Variants in SNX4 observed in about 807,000 individuals in gnomAD.
SNX4 encodes the protein sorting nexin 4, also known as sorting nexin-4.
In SNX4, 49 loss-of-function variants were observed where a neutral mutation model predicts 70.8. The observed-to-expected ratio is 0.69, with a 90% CI of 0.55 to 0.88. The LOEUF is 0.88. Ranked by LOEUF, SNX4 falls within the 40% of genes least tolerant of loss-of-function variation. SNX4 has a pLI of 0.00. For missense variants in SNX4, 528 were observed against 544.8 expected (o/e 0.97, Z 0.31); for synonymous variants, 206 against 183.8 (o/e 1.12, Z -0.98).
chr3:125,471,318 T>TG (rs970635024), intron 8 of SNX4, among the ~76,000 whole-genome samples: 1 of 83,916 alleles, frequency 1.2e-5, no homozygotes, highest in Non-Finnish European at 2.1e-5. Context: ...CACTCCAGTG[T>TG]GGGCAACAAG....
intron 10 of SNX4, among the ~76,000 whole-genome samples, chr3:125,458,358 G>C (rs1933779272): frequency 6.6e-6 from 1 of 151,900 alleles, no homozygotes; most frequent in Non-Finnish European, 1.5e-5. Context: ...TGTAGAGATG[G>C]GGTCTCGCCC....
At chr3:125,460,142 C>T (rs1189726640) in intron 10 of SNX4, among the ~76,000 whole-genome samples, 4 of 147,900 alleles carry the variant, frequency 2.7e-5, no homozygotes, top group Middle Eastern at 3.6e-3. Flanking sequence ...TGCAGTGAGC[C>T]GAGATCACGC....
intron 1 of SNX4, 69 bp downstream of exon 1, chr3:125,519,959 GCCCA>G: frequency 1.0e-6 from 1 of 1,004,502 alleles, no homozygotes; most frequent in Non-Finnish European, 1.3e-6. Flanking sequence ...GCCCAGCCCA[GCCCA>G]GCCCAGCCCA....
At chr3:125,458,814 C>CAAAAAAAAAAAAAAAAAAAA (rs71148180) in intron 10 of SNX4, among the ~76,000 whole-genome samples, 6 of 64,534 alleles carry the variant, frequency 9.3e-5, no homozygotes, top group Non-Finnish European at 1.3e-4. Flanking sequence ...GACTCCGTCT[C>CAAAAAAAAAAAAAAAAAAAA]AAAAAAAAAA....
intron 1 of SNX4, among the ~76,000 whole-genome samples, chr3:125,506,031 T>C (rs1935035245): frequency 6.6e-6 from 1 of 152,174 alleles, no homozygotes; most frequent in Non-Finnish European, 1.5e-5. Context: ...AGGAAAGATC[T>C]ATAAAGACTT....
chr3:125,520,055 C>G lies in SNX4; in HGVS notation c.118G>C (p.Glu40Gln). The G allele has an allele frequency of 6.4e-7, 1 of 1,557,888 alleles. No homozygotes were observed. ...AVGKEAEGAGEESSGVDTMTH... is the reference protein window; with the variant it reads ...AVGKEAEGAGQESSGVDTMTH... ...ACCGTGTCGACCCCAGAGCTCTCTT[C>G]TCCGGCCCCCTCCGCTTCCTTGCCG... is the stretch of plus-strand genomic sequence containing the variant. The change falls in exon 1 of 14, where the codon GAA becomes CAA. Residue 40 changes from glutamate (E) to glutamine (Q), a missense_variant. Physicochemically the swap from Glu to Gln is conservative, Grantham distance 29. This residue lies in a region of SNX4 where 341 missense variants were observed against 312.2 expected (regional missense o/e 1.09). Coordinates refer to ENST00000251775, the MANE Select transcript of SNX4 (RefSeq NM_003794.4).
chr3:125,472,022 T>C (rs1934186194), intron 8 of SNX4, among the ~76,000 whole-genome samples: 1 of 152,224 alleles, frequency 6.6e-6, no homozygotes, highest in Non-Finnish European at 1.5e-5. Context: ...CTTCCCTGTT[T>C]CTTCTCTGTA....
At chr3:125,483,816 T>G (rs562474619) in intron 6 of SNX4, among the ~76,000 whole-genome samples, 2 of 152,172 alleles carry the variant, frequency 1.3e-5, no homozygotes, top group East Asian at 3.8e-4. Context: ...TAGATAACAA[T>G]GTATGTTTAA....
intron 12 of SNX4, among the ~76,000 whole-genome samples, chr3:125,453,443 A>G (rs1052951515): frequency 6.6e-6 from 1 of 152,204 alleles, no homozygotes; most frequent in African/African-American, 2.4e-5. Context: ...TTTCCCCCAC[A>G]TTGAAACAAC....
At position 125,457,370 on chromosome 3, in the gene SNX4, A is replaced by G; in HGVS notation, c.945-5T>C. ...TCATGTTTCCTGCACACAGCCCTAC[A>G]GATGAAAAAATGTGCTGCCATTTAA... is the stretch of plus-strand genomic sequence containing the variant. On this transcript the variant is annotated splice_region_variant and splice_polypyrimidine_tract_variant and intron_variant, in intron 10 of 13. Coordinates refer to ENST00000251775, the MANE Select transcript of SNX4 (RefSeq NM_003794.4). 4.4e-6 allele frequency: 7 copies of G among 1,608,942 alleles called. No individual in the cohort carries two copies. Among genetic ancestry groups the G allele is most frequent in the Non-Finnish European group, 6.0e-6 (7 of 1,175,476 alleles).
intron 1 of SNX4, among the ~76,000 whole-genome samples, chr3:125,510,038 AACAGT>A (rs1487293411): frequency 6.6e-6 from 1 of 152,180 alleles, no homozygotes; most frequent in Admixed American, 6.5e-5. Context: ...TGCTGTAGAA[AACAGT>A]ACAGTGGTGC....
At chr3:125,459,613 A>T (rs1463178937) in intron 10 of SNX4, among the ~76,000 whole-genome samples, 1 of 151,986 alleles carries the variant, frequency 6.6e-6, no homozygotes. Flanking sequence ...ACTTTTTTGT[A>T]ATTTTAGTAG....
intron 8 of SNX4, among the ~76,000 whole-genome samples, chr3:125,474,388 G>A (rs1389163860): frequency 1.3e-5 from 2 of 152,120 alleles, no homozygotes; most frequent in Non-Finnish European, 1.5e-5. Context: ...TGTGATCATA[G>A]CTCACTATAA....
At chr3:125,462,221 T>C (rs1933900701) in intron 9 of SNX4, among the ~76,000 whole-genome samples, 1 of 152,210 alleles carries the variant, frequency 6.6e-6, no homozygotes. Context: ...GTTGGTTTTT[T>C]TAAAAGTGAT....
In SNX4 at chr3:125,457,305, T is replaced by C. The variant is rs772800406; in HGVS notation, c.1005A>G (p.Leu335=). The part of the protein sequence containing the change: ...QYDLEMAAQD[L]ASKKQQCEEL... ...CCTCACACTGCTGCTTCTTGGATGC[T>C]AAGTCCTGAGCAGCCATCTCCAAGT... The change falls in exon 11 of 14, where the codon TTA becomes TTG. Residue 335 remains leucine, a synonymous_variant. Transcript: ENST00000251775. 6.2e-7 allele frequency: 1 copy of C among 1,614,048 alleles called. No homozygotes were observed. The highest frequency in any genetic ancestry group is 1.3e-5 in the African/African-American group (1 of 75,048).
At chr3:125,495,785 T>C (rs78741279) in intron 5 of SNX4, among the ~76,000 whole-genome samples, 3,155 of 152,292 alleles carry the variant, frequency 0.021, 106 homozygotes, top group African/African-American at 0.072. Context: ...TTTTTTGTTA[T>C]ATAAAGAGAA....
intron 10 of SNX4, among the ~76,000 whole-genome samples, chr3:125,458,086 T>C (rs1006893633): frequency 6.6e-5 from 10 of 152,096 alleles, no homozygotes. Context: ...ACTAATGCTG[T>C]AATCTCACAT....
chr3:125,496,488 A>G (rs1030329921), intron 5 of SNX4, among the ~76,000 whole-genome samples: 2 of 152,186 alleles, frequency 1.3e-5, no homozygotes, highest in Non-Finnish European at 2.9e-5. Flanking sequence ...TTGTCTAGAC[A>G]TATTATATTG....
chr3:125,452,460 T>C (rs1933599836), intron 12 of SNX4, among the ~76,000 whole-genome samples: 1 of 152,096 alleles, frequency 6.6e-6, no homozygotes, highest in South Asian at 2.1e-4. Flanking sequence ...TGGTAGCCGG[T>C]AGTCCCAGTG....
Sources: gnomAD v4.1 joint callset for allele counts (sites outside exome capture counted in the v4.1 genomes callset) on GRCh38, gnomAD v4.1.1 for gene constraint, gnomAD v4.1.1 regional missense constraint, MANE v1.5 for transcripts, NCBI Gene and HGNC (gene_info 2026-07-23, HGNC 2026-07-21) for gene names.